Variants in CHCHD6 observed in about 807,000 individuals in gnomAD.
CHCHD6 encodes the protein MICOS complex subunit MIC25.
CHCHD6 carries 28 observed loss-of-function variants against 32.3 expected under a neutral mutation model. The observed-to-expected ratio is 0.87, with a 90% CI of 0.64 to 1.19. CHCHD6 has a LOEUF of 1.19. Ranked by LOEUF, CHCHD6 falls within the 50% of genes most tolerant of loss-of-function variation. CHCHD6 has a pLI of 0.00. For synonymous variants in CHCHD6, 122 were observed against 117.5 expected (o/e 1.04, Z -0.25); for missense variants, 333 against 307.0 (o/e 1.08, Z -0.63).
At chr3:126,720,161 C>T (rs138656943) in intron 1 of CHCHD6, among the ~76,000 whole-genome samples, 8 of 152,192 alleles carry the variant, frequency 5.3e-5, no homozygotes, top group African/African-American at 9.7e-5. Flanking sequence ...AGATTGGAGG[C>T]GTGAGCCACT....
intron 4 of CHCHD6, among the ~76,000 whole-genome samples, chr3:126,808,327 C>T (rs1939506562): frequency 6.6e-6 from 1 of 152,082 alleles, no homozygotes; most frequent in Non-Finnish European, 1.5e-5. Flanking sequence ...ATCACTTTTG[C>T]CATATTCTTT....
chr3:126,813,137 T>A (rs1436487189), intron 4 of CHCHD6, among the ~76,000 whole-genome samples: 1 of 152,194 alleles, frequency 6.6e-6, no homozygotes, highest in African/African-American at 2.4e-5. Context: ...AATCTTAAAA[T>A]TTTCAAAATT....
chr3:126,752,878 T>G (rs1576373537), intron 4 of CHCHD6, among the ~76,000 whole-genome samples: 1 of 151,620 alleles, frequency 6.6e-6, no homozygotes, highest in South Asian at 2.1e-4. Context: ...AATATTGGGG[T>G]TTTATGATGG....
rs138368484 is a variant in CHCHD6, at chr3:126,747,324, C to T, written c.411+14102C>T. Among the ~76,000 whole-genome samples, 22 of 152,296 alleles carry T rather than the reference C, an allele frequency of 1.4e-4. No individual in the cohort carries two copies. The East Asian group carries it at 4.2e-3, about 29-fold the overall frequency. On this transcript the variant is annotated intron_variant, in intron 4 of 7. Transcript: ENST00000290913. Reference sequence around the variant, plus strand: ...GACTTGTATTTGCAGCTCATTTCTACTGCTTATCTGGGATATCTCCATACA... The same window carrying T: ...GACTTGTATTTGCAGCTCATTTCTATTGCTTATCTGGGATATCTCCATACA...
At chr3:126,771,203 CCTTTT>C (rs1438273519) in intron 4 of CHCHD6, among the ~76,000 whole-genome samples, 12 of 149,028 alleles carry the variant, frequency 8.1e-5, no homozygotes, top group Admixed American at 1.3e-4. Flanking sequence ...TTTTCTTTTT[CCTTTT>C]CTTTTTTTTT....
At chr3:126,913,137 A>G (rs1160709620) in intron 5 of CHCHD6, among the ~76,000 whole-genome samples, 1 of 140,526 alleles carries the variant, frequency 7.1e-6, no homozygotes, top group Non-Finnish European at 1.5e-5. Context: ...TGCCTGCAGT[A>G]GGTACCTGAG....
chr3:126,928,127 C>T (rs753685830), intron 6 of CHCHD6, among the ~76,000 whole-genome samples: 17 of 152,212 alleles, frequency 1.1e-4, no homozygotes, highest in Admixed American at 5.2e-4. Flanking sequence ...CTCCAGGCTG[C>T]GATGACTTCC....
chr3:126,720,277 A>C (rs1235951797), intron 1 of CHCHD6, among the ~76,000 whole-genome samples: 1 of 152,160 alleles, frequency 6.6e-6, no homozygotes, highest in Non-Finnish European at 1.5e-5. Context: ...TGCCACTGTC[A>C]TGTAGATCAC....
At chr3:126,957,678 G>A in intron 7 of CHCHD6, 127 bp downstream of exon 7, 1 of 1,179,044 alleles carries the variant, frequency 8.5e-7, no homozygotes, top group Non-Finnish European at 1.2e-6. Flanking sequence ...GGAGGTCTCT[G>A]CATTTGCCAA....
At chr3:126,772,588 G>A (rs890995081) in intron 4 of CHCHD6, among the ~76,000 whole-genome samples, 1 of 152,036 alleles carries the variant, frequency 6.6e-6, no homozygotes, top group African/African-American at 2.4e-5. Context: ...CATTTGCTTG[G>A]TAGATTTTTC....
At chr3:126,760,834 C>T (rs922342994) in intron 4 of CHCHD6, among the ~76,000 whole-genome samples, 2 of 149,712 alleles carry the variant, frequency 1.3e-5, no homozygotes. Context: ...GCTTTCAATT[C>T]TTTTTTTTTT....
chr3:126,814,688 G>A (rs771533867), intron 4 of CHCHD6, among the ~76,000 whole-genome samples: 2 of 152,174 alleles, frequency 1.3e-5, no homozygotes, highest in Non-Finnish European at 2.9e-5. Flanking sequence ...CACATGCCTT[G>A]CCCTGTGCTT....
chr3:126,775,227 T>C (rs1464018786), intron 4 of CHCHD6, among the ~76,000 whole-genome samples: 2 of 152,220 alleles, frequency 1.3e-5, no homozygotes, highest in Non-Finnish European at 2.9e-5. Context: ...CTACCAGCAG[T>C]GTCTGAGAGT....
At chr3:126,752,718 G>C (rs1375374412) in intron 4 of CHCHD6, among the ~76,000 whole-genome samples, 2 of 152,274 alleles carry the variant, frequency 1.3e-5, no homozygotes, top group Admixed American at 1.3e-4. Flanking sequence ...CATCCCGTTC[G>C]TTCTCCCTGC....
At chr3:126,747,913 T>C (rs973057033) in intron 4 of CHCHD6, among the ~76,000 whole-genome samples, 1 of 152,178 alleles carries the variant, frequency 6.6e-6, no homozygotes, top group Admixed American at 6.5e-5. Context: ...CTCTCTGACC[T>C]CCTGGGCGTT....
At chr3:126,756,341 C>G (rs901898808) in intron 4 of CHCHD6, among the ~76,000 whole-genome samples, 3 of 152,168 alleles carry the variant, frequency 2.0e-5, no homozygotes, top group African/African-American at 7.2e-5. Context: ...AACGCTTCTC[C>G]TTTGTCTCCA....
chr3:126,768,765 G>C (rs1232391039), intron 4 of CHCHD6, among the ~76,000 whole-genome samples: 1 of 152,106 alleles, frequency 6.6e-6, no homozygotes, highest in Non-Finnish European at 1.5e-5. Flanking sequence ...TATTCTGACT[G>C]GTGTAAGATG....
chr3:126,871,811 A>G lies in CHCHD6; in HGVS notation c.495+19081A>G, dbSNP rs527996448. On this transcript the variant is annotated intron_variant, in intron 5 of 7. Transcript: ENST00000290913. ...CTCCCGAGTAGCTGGGACTACAGGC[A>G]CGCACCACCACGCCTGGCTAATTTT... Among the ~76,000 whole-genome samples the G allele has an allele frequency of 1.4e-4, 21 of 151,864 alleles. 1 individual carries two copies. Among genetic ancestry groups the G allele is most frequent in the Non-Finnish European group, 2.5e-4 (17 of 67,964 alleles).
intron 5 of CHCHD6, among the ~76,000 whole-genome samples, chr3:126,859,681 G>T (rs540811922): frequency 2.0e-5 from 3 of 152,196 alleles, no homozygotes; most frequent in Non-Finnish European, 4.4e-5. Flanking sequence ...GAAGCAGGCT[G>T]AAGTAGCTGT....
Sources: allele counts gnomAD v4.1 joint callset (sites outside exome capture counted in the v4.1 genomes callset), GRCh38; gene constraint gnomAD v4.1.1; transcripts MANE v1.5; gene names NCBI Gene and HGNC (gene_info 2026-07-23, HGNC 2026-07-21).